ADGRE2: variants seen among roughly 807,000 people sequenced by gnomAD.
The protein encoded by ADGRE2 is CD97 antigen.
Under a neutral mutation model 100.8 loss-of-function variants are expected in ADGRE2, and 83 were observed. The ratio of observed to expected loss-of-function variants is 0.82; its 90% CI spans 0.69 to 0.99. The LOEUF (loss-of-function observed/expected upper bound fraction) is 0.99. Among genes scored for constraint, ADGRE2 ranks in the 50% least tolerant of loss-of-function variants. ADGRE2 has a pLI of 0.00. For synonymous variants in ADGRE2, 355 were observed against 413.0 expected, an observed-to-expected ratio of 0.86 and a Z score of 1.70; for missense variants, 814 against 1,035.7, an observed-to-expected ratio of 0.79 and a Z score of 2.94.
rs1266712393 is a variant in ADGRE2 at position 14,774,279 on chromosome 19, C to T, written c.59G>A (p.Gly20Glu). 6.3e-7 allele frequency: 1 copy of T among 1,585,340 alleles called. No individual in the cohort carries two copies. The change falls in exon 3 of 21, where the codon GGA becomes GAA. Residue 20 changes from glycine (G) to glutamate (E), a missense_variant. Around this residue, in one of 5 missense-constraint regions of ADGRE2, gnomAD observed 143 missense variants for 160.3 expected, o/e 0.89. Coordinates refer to ENST00000315576, the MANE Select transcript of ADGRE2 (RefSeq NM_013447.4). ...ACCCCTGGAGTCCTGGGTTTCAGCT[C>T]CCGGCAGAGTCAGCCAGACACAGAA... Reference protein sequence around the residue: ...LAFCVWLTLPGAETQDSRGCA... With the variant: ...LAFCVWLTLPEAETQDSRGCA...
At chr19:14,758,843 C>T (rs2043594343) in intron 11 of ADGRE2, among the ~76,000 whole-genome samples, 1 of 139,440 alleles carries the variant, frequency 7.2e-6, no homozygotes, top group Admixed American at 7.8e-5. Context: ...CGAGATCGCG[C>T]CCCTGCACTG....
At chr19:14,753,788 T>TAA (rs58085048) in intron 14 of ADGRE2, among the ~76,000 whole-genome samples, 1 of 141,276 alleles carries the variant, frequency 7.1e-6, no homozygotes, top group Admixed American at 7.1e-5. Context: ...AGACCCTGTC[T>TAA]AAAAAAAAAA....
chr19:14,754,305 A>G (rs887880405), intron 14 of ADGRE2, among the ~76,000 whole-genome samples: 6 of 148,836 alleles, frequency 4.0e-5, no homozygotes, highest in African/African-American at 1.5e-4. Flanking sequence ...ATCTATATAT[A>G]TAGATCTCTC....
downstream of ADGRE2, among the ~76,000 whole-genome samples, chr19:14,728,281 A>C (rs751744385): frequency 9.2e-5 from 14 of 152,254 alleles, no homozygotes; most frequent in Non-Finnish European, 1.9e-4. Flanking sequence ...AAGGCATGAG[A>C]TAATTCTTCG....
intron 16 of ADGRE2, among the ~76,000 whole-genome samples, chr19:14,748,997 A>G (rs1201209378): frequency 6.6e-6 from 1 of 152,030 alleles, no homozygotes; most frequent in Admixed American, 6.6e-5. Context: ...TCATCCATCA[A>G]TGTAATACAC....
chr19:14,773,238 A>G (rs2044285251), intron 4 of ADGRE2, among the ~76,000 whole-genome samples: 2 of 150,292 alleles, frequency 1.3e-5, no homozygotes, highest in African/African-American at 4.9e-5. Context: ...CCAGGAAGCC[A>G]TGCCTATTCA....
Position 14,764,548 on chromosome 19 carries a change from G to A in ADGRE2, c.969C>T (p.Arg323=), listed in dbSNP as rs758964998. The part of the protein sequence containing the change: ...EAPGDLETLP[R]LQQHCVASHL... ...GACTGGCCACACAGTGCTGCTGTAA[G>A]CGGGGCAGGGTCTCCAGGTCCCCAG... Residue 323 remains arginine (R), a synonymous_variant, in exon 11 of 21, where the codon CGC becomes CGT. Coordinates refer to ENST00000315576, the MANE Select transcript of ADGRE2 (RefSeq NM_013447.4). The A allele has an allele frequency of 6.2e-7, 1 of 1,612,958 alleles. No individual in the cohort carries two copies. The highest frequency in any genetic ancestry group is 8.5e-7 in the Non-Finnish European group (1 of 1,179,954).
At chr19:14,731,217 T>A, downstream of ADGRE2, 3 of 1,531,616 alleles carry the variant, frequency 2.0e-6, no homozygotes, top group Non-Finnish European at 2.6e-6. Context: ...CAGTACTCTC[T>A]TGCATGTTCA....
At chr19:14,724,358 G>C in the ADGRE2 span, among the ~76,000 whole-genome samples, 1 of 152,196 alleles carries the variant, frequency 6.6e-6, no homozygotes, top group African/African-American at 2.4e-5. Context: ...TTCACTTGGG[G>C]AGCACATGGT....
intron 14 of ADGRE2, among the ~76,000 whole-genome samples, chr19:14,753,759 A>G (rs2043382571): frequency 6.7e-6 from 1 of 150,338 alleles, no homozygotes; most frequent in African/African-American, 2.5e-5. Flanking sequence ...GTGCCACTGC[A>G]CTCCAGCCTG....
rs71333309 is a variant in ADGRE2, at chr19:14,741,091, G to GTTTTT, written c.2463+2324_2463+2328dup. On this transcript the variant is annotated intron_variant, in intron 20 of 20. Coordinates refer to ENST00000315576, the MANE Select transcript of ADGRE2 (RefSeq NM_013447.4). ...TTACATTGCCCAGGCTGAATAGGCT[G>GTTTTT]TTTTTTTTTTTTTTTTTTTTGGCAG... Among the ~76,000 whole-genome samples, 96 of 116,662 alleles carry GTTTTT rather than the reference G, an allele frequency of 8.2e-4. 5 individuals are homozygous for GTTTTT. The highest frequency in any genetic ancestry group is 3.1e-3 in the African/African-American group (91 of 29,298). 76.5% of individuals were successfully genotyped at this position (116,662 alleles called of 152,430 possible).
Position 14,735,264 on chromosome 19 carries a change from T to G in ADGRE2, c.*972A>C, listed in dbSNP as rs563992700. 15 of 152,324 alleles carry G rather than the reference T, an allele frequency of 9.8e-5. No individual in the cohort carries two copies. The highest frequency in any genetic ancestry group is 3.4e-4 in the African/African-American group (14 of 41,568). 9.4% of individuals were successfully genotyped at this position (152,324 alleles called of 1,614,324 possible). A position where few individuals can be genotyped will look rare whatever the true frequency, so the allele number is the denominator to read the frequency against. ...CCATGCTTGGCTAATTTTTAATTTT[T>G]TTTTTGGGTAGAGATGGTTCTCACT... On this transcript the variant is annotated 3_prime_UTR_variant, in exon 21 of 21. Coordinates refer to ENST00000315576, the MANE Select transcript of ADGRE2 (RefSeq NM_013447.4).
chr19:14,725,747 T>C, the ADGRE2 span, among the ~76,000 whole-genome samples: 84,537 of 152,158 alleles, frequency 0.56, 23,880 homozygotes, highest in East Asian at 0.76. Context: ...GTGCAAGATA[T>C]GGGATCTCAA....
chr19:14,777,902 C>T (rs990176972), intron 1 of ADGRE2, among the ~76,000 whole-genome samples: 18 of 152,146 alleles, frequency 1.2e-4, no homozygotes, highest in Non-Finnish European at 1.9e-4. Flanking sequence ...CATTGATGGA[C>T]ATTTGGGTTG....
rs2042709628 is a variant in ADGRE2, at chr19:14,734,207, A to G, written c.*2029T>C. On this transcript the variant is annotated 3_prime_UTR_variant, in exon 21 of 21. Coordinates refer to ENST00000315576, the MANE Select transcript of ADGRE2 (RefSeq NM_013447.4). ...AAGTCACTTAACATTCAGGATCTCA[A>G]TTTCTCTTTTGTAAAACAAATAGAG... is the stretch of plus-strand genomic sequence containing the variant. 1 of 152,098 alleles carries G rather than the reference A, an allele frequency of 6.6e-6. No individual in the cohort carries two copies. Among genetic ancestry groups the G allele is most frequent in the South Asian group, 2.1e-4 (1 of 4,824 alleles). 9.4% of individuals were successfully genotyped at this position (152,098 alleles called of 1,614,324 possible).
intron 20 of ADGRE2, among the ~76,000 whole-genome samples, chr19:14,736,878 AT>A (rs2042771381): frequency 6.9e-6 from 1 of 145,358 alleles, no homozygotes; most frequent in Admixed American, 6.9e-5. Context: ...ATATCTATAT[AT>A]TTAGAAATAT....
intron 11 of ADGRE2, among the ~76,000 whole-genome samples, chr19:14,761,087 C>T (rs1439032637): frequency 6.6e-6 from 1 of 152,128 alleles, no homozygotes; most frequent in Non-Finnish European, 1.5e-5. Context: ...ATTGATGTCT[C>T]ATGTCCCCCT....
intron 18 of ADGRE2, among the ~76,000 whole-genome samples, chr19:14,743,997 T>TG (rs1036985434): frequency 1.3e-5 from 2 of 152,064 alleles, no homozygotes; most frequent in African/African-American, 4.8e-5. Context: ...CCCAGCACTT[T>TG]GGGGGGCCAA....
chr19:14,731,139 T>C (rs1020224329), downstream of ADGRE2: 1 of 1,530,766 alleles, frequency 6.5e-7, no homozygotes, highest in African/African-American at 1.4e-5. Context: ...TCTCTTCTCT[T>C]TCCCTCATTC....
Sources: allele counts gnomAD v4.1 joint callset (sites outside exome capture counted in the v4.1 genomes callset), GRCh38; gene constraint gnomAD v4.1.1; regional missense constraint gnomAD v4.1.1; transcripts MANE v1.5; gene names NCBI Gene and HGNC (gene_info 2026-07-23, HGNC 2026-07-21).